TPM1: variants seen among roughly 807,000 people sequenced by gnomAD.
TPM1 encodes the protein tropomyosin alpha-1 chain.
TPM1 carries 24 observed loss-of-function variants against 42.9 expected under a neutral mutation model. That is an observed-to-expected ratio of 0.56 (90% CI 0.41 to 0.79). The LOEUF (loss-of-function observed/expected upper bound fraction) is 0.79. Ranked by LOEUF, TPM1 falls within the 30% of genes least tolerant of loss-of-function variation. The probability of loss-of-function intolerance (pLI) is 0.00; values close to 1 mark genes in which losing one functional copy is unlikely to be tolerated. For missense variants in TPM1, 158 were observed against 351.8 expected (o/e 0.45, Z 4.41); for synonymous variants, 136 against 130.1 (o/e 1.05, Z -0.31).
intron 2 of TPM1, chr15:63,047,922 A>G (rs995552462): frequency 2.4e-4 from 51 of 210,302 alleles, no homozygotes; most frequent in South Asian, 6.7e-4. Flanking sequence ...CAACCTAGGA[A>G]AACTGCATTT....
At chr15:63,059,475 A>T in intron 3 of TPM1, 88 bp from the exon 4 acceptor site, 1 of 1,048,000 alleles carries the variant, frequency 9.5e-7, no homozygotes, top group Non-Finnish European at 1.5e-6. Flanking sequence ...TACCACTTAC[A>T]CTAAGCCTCA....
intron 4 of TPM1, 137 bp from the exon 5 acceptor site, chr15:63,060,732 G>T: frequency 1.1e-6 from 1 of 946,130 alleles, no homozygotes; most frequent in East Asian, 2.5e-5. Flanking sequence ...CTTCTCTCTG[G>T]TCTACCAGAA....
exon 9 of TPM1, chr15:63,071,387 T>A: frequency 2.0e-6 from 1 of 512,028 alleles, no homozygotes; most frequent in Non-Finnish European, 3.6e-6. Flanking sequence ...GGGTTGATGC[T>A]GCCACACTTT....
chr15:63,066,924 G>A (rs963264159), downstream of TPM1, among the ~76,000 whole-genome samples: 1 of 151,838 alleles, frequency 6.6e-6, no homozygotes, highest in Non-Finnish European at 1.5e-5. Flanking sequence ...GATAGTTGGT[G>A]GAAATTGTTC....
chr15:63,046,196 G>A (rs1206982788), intron 2 of TPM1: 3 of 152,296 alleles, frequency 2.0e-5, no homozygotes, highest in South Asian at 2.1e-4. Flanking sequence ...ATCACCAGGC[G>A]ATAGGAATTT....
rs397516381 is a variant in TPM1, at chr15:63,061,287, G to T, written c.563+348G>T. 4.3e-6 allele frequency: 7 copies of T among 1,613,968 alleles called. No homozygotes were observed. The South Asian group carries it at 6.6e-5, about 15-fold the overall frequency. On this transcript the variant is annotated intron_variant, in intron 5 of 9. Transcript: ENST00000403994. The stretch of plus-strand genomic sequence containing the variant: ...GCAGAGGATAAGGTACTGATGGCTC[G>T]TGTGGTTTTTAGGTTTAACTGCAAC...
At chr15:63,062,034 A>G (rs2035705737) in intron 6 of TPM1, 181 bp from the exon 7 acceptor site, 2 of 704,308 alleles carry the variant, frequency 2.8e-6, no homozygotes, top group African/African-American at 1.8e-5. Flanking sequence ...TTGTTATCCC[A>G]TGTAAAACAA....
intron 9 of TPM1, chr15:63,064,381 C>A: frequency 7.2e-7 from 1 of 1,384,198 alleles, no homozygotes; most frequent in South Asian, 1.5e-5. Flanking sequence ...AAACGCTGAA[C>A]TAGAGCAGTG....
chr15:63,048,790 C>G lies in TPM1; in HGVS notation c.240+4638C>G, dbSNP rs567601554. The G allele has an allele frequency of 5.4e-5, 81 of 1,495,414 alleles. No individual in the cohort carries two copies. The East Asian group carries it at 9.7e-4, about 18-fold the overall frequency. The allele number at this position is 1,495,414 out of a possible 1,614,324, so 92.6% of individuals were successfully genotyped here. On this transcript the variant is annotated intron_variant, in intron 2 of 9. Transcript: ENST00000403994. ...CCGCAGGGCCCTCCTGCTTCCCCCC[C>G]CGCAGGCCCCGGTCCCTCGTCCCCA... is the stretch of plus-strand genomic sequence containing the variant.
downstream of TPM1, among the ~76,000 whole-genome samples, chr15:63,069,548 G>GCCAGAAACTTT (rs2036487443): frequency 6.6e-6 from 1 of 152,200 alleles, no homozygotes; most frequent in African/African-American, 2.4e-5. Flanking sequence ...AACCATGTAT[G>GCCAGAAACTTT]GCTCAGCTCA....
chr15:63,043,693 C>T lies in TPM1; in HGVS notation c.115-334C>T, dbSNP rs1392145197. On this transcript the variant is annotated intron_variant, in intron 1 of 9. Transcript: ENST00000403994. The stretch of plus-strand genomic sequence containing the variant: ...CGTGCCGGCCGCCCGCGCCCGCCCG[C>T]CGCTGCCCCCAGCTCGAGGAGGACA... 8 of 1,543,582 alleles carry T rather than the reference C, an allele frequency of 5.2e-6. No individual in the cohort carries two copies. Among genetic ancestry groups the T allele is most frequent in the Non-Finnish European group, 7.0e-6 (8 of 1,146,330 alleles).
At chr15:63,058,691 A>G (rs981033017) in intron 3 of TPM1, among the ~76,000 whole-genome samples, 8 of 152,228 alleles carry the variant, frequency 5.3e-5, no homozygotes, top group Non-Finnish European at 8.8e-5. Flanking sequence ...CCTGGGTGAC[A>G]GAGCGAGACT....
At chr15:63,065,773 T>G in intron 9 of TPM1, 123 bp from the exon 10 acceptor site, 1 of 1,392,898 alleles carries the variant, frequency 7.2e-7, no homozygotes, top group Non-Finnish European at 9.7e-7. Flanking sequence ...GCAGTGGGGT[T>G]TGCATGACTG....
chr15:63,054,761 G>T (rs1471655698), intron 2 of TPM1, among the ~76,000 whole-genome samples: 1 of 152,272 alleles, frequency 6.6e-6, no homozygotes, highest in East Asian at 1.9e-4. Flanking sequence ...AAAAGAAAGT[G>T]TACAGTGCTT....
At chr15:63,060,069 G>A (rs1431792388) in intron 4 of TPM1, 1 of 269,684 alleles carries the variant, frequency 3.7e-6, no homozygotes, top group East Asian at 8.5e-5. Flanking sequence ...GCAGCTTAGA[G>A]ACCACAGACA....
chr15:63,061,004 A>G, intron 5 of TPM1, 65 bp downstream of exon 5: 1 of 1,588,158 alleles, frequency 6.3e-7, no homozygotes. Context: ...AAACAGCATG[A>G]CCTTCTGGCA....
chr15:63,050,948 A>C (rs186223329), intron 2 of TPM1, among the ~76,000 whole-genome samples: 1 of 152,356 alleles, frequency 6.6e-6, no homozygotes, highest in Admixed American at 6.5e-5. Context: ...GACTGTAATT[A>C]ATAGGCCCTA....
At chr15:63,062,151 G>A in intron 6 of TPM1, 64 bp from the exon 7 acceptor site, 1 of 1,485,898 alleles carries the variant, frequency 6.7e-7, no homozygotes, top group Middle Eastern at 1.7e-4. Context: ...CGAGTTCTTT[G>A]CATGAGAAGC....
At chr15:63,066,986 T>A (rs28512289), downstream of TPM1, among the ~76,000 whole-genome samples, 19,977 of 152,208 alleles carry the variant, frequency 0.13, 1,540 homozygotes, top group Admixed American at 0.26. Context: ...CAAACAGCAA[T>A]TAAGTGATTT....
Sources: gnomAD v4.1 joint callset for allele counts (sites outside exome capture counted in the v4.1 genomes callset) on GRCh38, gnomAD v4.1.1 for gene constraint, MANE v1.5 for transcripts, NCBI Gene and HGNC (gene_info 2026-07-23, HGNC 2026-07-21) for gene names.